The following PHF21B variants were observed in gnomAD, a reference collection of about 807,000 sequenced individuals.
The protein encoded by PHF21B is PHD finger protein 21B.
A neutral mutation model predicts 62.2 loss-of-function variants in PHF21B; 22 were observed. That is an observed-to-expected ratio of 0.35 (90% CI 0.25 to 0.51). The LOEUF (loss-of-function observed/expected upper bound fraction) is 0.51, where lower values mean the gene tolerates loss of function less well. Among genes scored for constraint, PHF21B ranks in the 20% least tolerant of loss-of-function variants. PHF21B has a pLI of 0.97. For missense variants in PHF21B, 701 were observed against 707.9 expected (o/e 0.99, Z 0.11); for synonymous variants, 341 against 314.7 (o/e 1.08, Z -0.88).
chr22:44,927,541 C>A (rs897922218), intron 2 of PHF21B, among the ~76,000 whole-genome samples: 1 of 152,180 alleles, frequency 6.6e-6, no homozygotes, highest in Non-Finnish European at 1.5e-5. Flanking sequence ...CCCTCCTCAC[C>A]GCCCTGGGGA....
At chr22:44,996,673 C>T (rs1315156801) in intron 2 of PHF21B, among the ~76,000 whole-genome samples, 1 of 152,014 alleles carries the variant, frequency 6.6e-6, no homozygotes, top group Non-Finnish European at 1.5e-5. Flanking sequence ...CACACAGACA[C>T]ACAAACACAC....
intron 7 of PHF21B, 72 bp downstream of exon 7, chr22:44,893,385 G>C: frequency 4.1e-6 from 6 of 1,449,498 alleles, no homozygotes; most frequent in Middle Eastern, 1.8e-4. Context: ...GGGAGGCCCT[G>C]GGACTTTTCC....
intron 5 of PHF21B, among the ~76,000 whole-genome samples, chr22:44,897,059 T>C (rs1378457313): frequency 1.3e-5 from 2 of 151,876 alleles, no homozygotes; most frequent in East Asian, 3.9e-4. Context: ...TCGTATTTTT[T>C]GAAGAGATGG....
At chr22:44,983,574 C>A (rs539062753) in intron 2 of PHF21B, among the ~76,000 whole-genome samples, 1 of 152,064 alleles carries the variant, frequency 6.6e-6, no homozygotes, top group East Asian at 1.9e-4. Flanking sequence ...AAAGGGCAGG[C>A]GAGGGAGGCT....
chr22:44,998,590 A>G (rs2073159471), intron 2 of PHF21B, among the ~76,000 whole-genome samples: 1 of 151,968 alleles, frequency 6.6e-6, no homozygotes, highest in African/African-American at 2.4e-5. Context: ...AAGGCGGGGG[A>G]CATGTCCCCT....
chr22:44,999,473 C>T (rs2073174726), intron 2 of PHF21B, among the ~76,000 whole-genome samples: 2 of 152,018 alleles, frequency 1.3e-5, no homozygotes, highest in African/African-American at 4.8e-5. Flanking sequence ...GCCAGGCTCC[C>T]GGGAGATGCA....
chr22:45,009,605 G>C lies in PHF21B; in HGVS notation c.-56C>G. 2 of 1,494,032 alleles carry C rather than the reference G, an allele frequency of 1.3e-6. No homozygotes were observed. The highest frequency in any genetic ancestry group is 1.8e-6 in the Non-Finnish European group (2 of 1,132,034). The allele number at this position is 1,494,032 out of a possible 1,614,324, so 92.5% of individuals were successfully genotyped here. A position where few individuals can be genotyped will look rare whatever the true frequency, so the allele number is the denominator to read the frequency against. ...CTTTGGCCCGGGCTCCCGGGAAGTTGCGCGGCTCCGCGGGGGCCAGAGCGG... is the reference window on the plus strand; with the variant it reads ...CTTTGGCCCGGGCTCCCGGGAAGTTCCGCGGCTCCGCGGGGGCCAGAGCGG... On this transcript the variant is annotated 5_prime_UTR_variant, in exon 1 of 13. Coordinates refer to ENST00000313237, the MANE Select transcript of PHF21B (RefSeq NM_138415.5). This position sits in a 1 kb window ranked among gnomAD's most constrained non-coding sequence, Gnocchi z 5.9.
intron 2 of PHF21B, among the ~76,000 whole-genome samples, chr22:44,942,718 G>C (rs937967591): frequency 1.3e-5 from 2 of 152,204 alleles, no homozygotes; most frequent in African/African-American, 4.8e-5. Flanking sequence ...CAGCGCACGA[G>C]CTGTCGGGGA....
At chr22:44,924,079 AGAGG>A (rs753762703) in intron 2 of PHF21B, among the ~76,000 whole-genome samples, 2 of 101,104 alleles carry the variant, frequency 2.0e-5, no homozygotes, top group South Asian at 4.5e-4. Context: ...AGGGGAGGGA[AGAGG>A]GGAGGAAGGA....
At chr22:44,898,140 T>C (rs1049084038) in intron 5 of PHF21B, among the ~76,000 whole-genome samples, 1 of 152,138 alleles carries the variant, frequency 6.6e-6, no homozygotes. Flanking sequence ...CCACATGATA[T>C]TTAGATATCA....
At chr22:44,976,227 G>A (rs958887049) in intron 2 of PHF21B, among the ~76,000 whole-genome samples, 1 of 152,158 alleles carries the variant, frequency 6.6e-6, no homozygotes, top group African/African-American at 2.4e-5. Context: ...GGTACAGTAG[G>A]ATATTTTGAT....
At chr22:44,987,940 G>A (rs79810457) in intron 2 of PHF21B, among the ~76,000 whole-genome samples, 12,683 of 152,212 alleles carry the variant, frequency 0.083, 596 homozygotes, top group South Asian at 0.12. Context: ...CCACCCTGAA[G>A]ATCCACGTTG....
intron 2 of PHF21B, among the ~76,000 whole-genome samples, chr22:45,006,234 C>A (rs957663170): frequency 6.6e-6 from 1 of 152,198 alleles, no homozygotes. Context: ...AAAAACAACA[C>A]CCTCGCAGTT....
At chr22:44,893,882 G>GATACC (rs2071011239) in intron 6 of PHF21B, among the ~76,000 whole-genome samples, 1 of 152,252 alleles carries the variant, frequency 6.6e-6, no homozygotes, top group Non-Finnish European at 1.5e-5. Context: ...CAGGTTGGGT[G>GATACC]ATACCCACTG....
At chr22:44,900,684 C>G (rs985309162) in intron 5 of PHF21B, among the ~76,000 whole-genome samples, 2 of 152,176 alleles carry the variant, frequency 1.3e-5, no homozygotes, top group South Asian at 4.1e-4. Flanking sequence ...TCTTTCTTTC[C>G]CTTATTTTCT....
intron 2 of PHF21B, chr22:44,971,449 G>C (rs1220168188): frequency 6.6e-6 from 1 of 152,178 alleles, no homozygotes; most frequent in Non-Finnish European, 1.5e-5. Context: ...CGCACACAGA[G>C]TTGGGGAGAT....
intron 2 of PHF21B, among the ~76,000 whole-genome samples, chr22:45,002,630 G>T (rs937966386): frequency 2.0e-5 from 3 of 152,208 alleles, no homozygotes; most frequent in African/African-American, 7.2e-5. Flanking sequence ...GGGAACCCAG[G>T]CATCCTTCAC....
At position 44,913,935 on chromosome 22, in the gene PHF21B, T is replaced by A. The variant is rs1218989563; in HGVS notation, c.718A>T (p.Thr240Ser). Residue 240 changes from threonine (T) to serine (S), a missense_variant, in exon 5 of 13, where the codon ACG (threonine) becomes TCG (serine). Physicochemically the swap from Thr to Ser is moderately conservative, Grantham distance 58. Transcript: ENST00000313237. ...GACTCTGCCGTGCTCTCGGGCTGCG[T>A]CTGCACTTGAGGCTGAATGATGATG... ...QVIIIQPQVQ[T>S]QPESTAESRP... 1 of 1,613,290 alleles carries A rather than the reference T, an allele frequency of 6.2e-7. No individual in the cohort carries two copies. Among genetic ancestry groups the A allele is most frequent in the Non-Finnish European group, 8.5e-7 (1 of 1,179,830 alleles).
At chr22:44,925,713 A>G (rs983361085) in intron 2 of PHF21B, among the ~76,000 whole-genome samples, 12 of 152,032 alleles carry the variant, frequency 7.9e-5, no homozygotes, top group Non-Finnish European at 1.6e-4. Flanking sequence ...CACTGAGACC[A>G]CCTCAGGTGC....
Sources: allele counts gnomAD v4.1 joint callset (sites outside exome capture counted in the v4.1 genomes callset), GRCh38; gene constraint gnomAD v4.1.1; non-coding constraint Gnocchi (gnomAD v3.1); transcripts MANE v1.5; gene names NCBI Gene and HGNC (gene_info 2026-07-23, HGNC 2026-07-21).